MAPRE2: variants seen among roughly 807,000 people sequenced by gnomAD.
MAPRE2 encodes microtubule associated protein RP/EB family member 2, also known as microtubule-associated protein RP/EB family member 2.
In MAPRE2, 13 loss-of-function variants were observed where a neutral mutation model predicts 43.2. The observed-to-expected ratio is 0.30, with a 90% confidence interval of 0.20 to 0.48. The LOEUF (loss-of-function observed/expected upper bound fraction) is 0.48, where lower values mean the gene tolerates loss of function less well. Ranked by LOEUF, MAPRE2 falls within the 20% of genes least tolerant of loss-of-function variation. The pLI, the probability that MAPRE2 is intolerant of heterozygous loss-of-function variation, is 0.99. For missense variants in MAPRE2, 161 were observed against 400.2 expected, an observed-to-expected ratio of 0.40 and a Z score of 5.10; for synonymous variants, 135 against 148.8, an observed-to-expected ratio of 0.91 and a Z score of 0.68.
At chr18:35,110,114 A>G (rs965419238) in intron 4 of MAPRE2, among the ~76,000 whole-genome samples, 4 of 152,136 alleles carry the variant, frequency 2.6e-5, no homozygotes, top group East Asian at 1.9e-4. Context: ...AGCCACCCCT[A>G]TAGTTGTCAT....
chr18:35,129,690 C>T (rs567351670), intron 5 of MAPRE2, among the ~76,000 whole-genome samples: 3 of 152,234 alleles, frequency 2.0e-5, no homozygotes, highest in Admixed American at 2.0e-4. Context: ...GGATGGGTGT[C>T]GATTAGCCCA....
chr18:35,004,699 C>T (rs368872799), intron 1 of MAPRE2, among the ~76,000 whole-genome samples: 1 of 152,168 alleles, frequency 6.6e-6, no homozygotes, highest in Admixed American at 6.5e-5. Context: ...AGGCGGATCG[C>T]GAGGTCAGGA....
rs1325647869 is a variant in MAPRE2 at position 35,041,626 on chromosome 18, C to T, written c.87C>T (p.Phe29=). The change falls in exon 1 of 7, where the codon TTC becomes TTT. Residue 29 remains phenylalanine, a synonymous_variant. Transcript: ENST00000300249. ...IQDNNGTIIP[F]RKHTVRGERS... is the part of the protein sequence containing the mutation. ...ATAATAACGGGACCATCATTCCTTT[C>T]CGGAAGCACACAGTGCGCGGGGAGC... 6.2e-6 allele frequency: 10 copies of T among 1,614,126 alleles called. No individual in the cohort carries two copies. The highest frequency in any genetic ancestry group is 1.6e-4 in the Middle Eastern group (1 of 6,084).
chr18:35,034,170 G>A (rs1032300686), intron 2 of MAPRE2, among the ~76,000 whole-genome samples: 8 of 151,838 alleles, frequency 5.3e-5, no homozygotes, highest in Admixed American at 5.2e-4. Context: ...CAGAGATATA[G>A]ATCAATGGAA....
At chr18:35,061,900 G>A (rs573298195) in intron 1 of MAPRE2, among the ~76,000 whole-genome samples, 21 of 152,284 alleles carry the variant, frequency 1.4e-4, no homozygotes, top group African/African-American at 5.1e-4. Context: ...GAATGATCTG[G>A]TGATATTCTT....
At chr18:35,076,458 A>G (rs968261104) in intron 2 of MAPRE2, among the ~76,000 whole-genome samples, 2 of 152,154 alleles carry the variant, frequency 1.3e-5, no homozygotes, top group Non-Finnish European at 2.9e-5. Flanking sequence ...AAGAATGGCC[A>G]TCGTTTGGGA....
At chr18:35,043,786 T>C (rs753782982) in intron 1 of MAPRE2, among the ~76,000 whole-genome samples, 1 of 152,186 alleles carries the variant, frequency 6.6e-6, no homozygotes, top group Non-Finnish European at 1.5e-5. Context: ...ATACAAAGGG[T>C]GCACATGGAG....
intron 1 of MAPRE2, among the ~76,000 whole-genome samples, chr18:35,046,631 G>T (rs1477614958): frequency 6.6e-6 from 1 of 152,218 alleles, no homozygotes; most frequent in Non-Finnish European, 1.5e-5. Flanking sequence ...GATGCCTACT[G>T]CAGTGGATCT....
chr18:35,125,418 ATAGT>A (rs889446776), intron 4 of MAPRE2, among the ~76,000 whole-genome samples: 2 of 152,274 alleles, frequency 1.3e-5, no homozygotes, highest in Admixed American at 6.5e-5. Context: ...ACTTGTTTAT[ATAGT>A]TAGTTAAACT....
intron 4 of MAPRE2, among the ~76,000 whole-genome samples, chr18:35,110,500 C>T (rs908041995): frequency 6.6e-6 from 1 of 152,074 alleles, no homozygotes; most frequent in Admixed American, 6.6e-5. Context: ...AGAGAAATTA[C>T]AGGAAAAGTT....
At chr18:34,991,534 C>A (rs116512007) in intron 1 of MAPRE2, among the ~76,000 whole-genome samples, 4,920 of 152,234 alleles carry the variant, frequency 0.032, 262 homozygotes, top group African/African-American at 0.11. Flanking sequence ...TAATCATATT[C>A]CAGAATGCGT....
At chr18:35,086,790 T>C (rs1328627473) in intron 2 of MAPRE2, among the ~76,000 whole-genome samples, 2 of 152,150 alleles carry the variant, frequency 1.3e-5, no homozygotes, top group Non-Finnish European at 2.9e-5. Flanking sequence ...ATGGGAATGA[T>C]AATAAAAATA....
intron 2 of MAPRE2, among the ~76,000 whole-genome samples, chr18:35,074,841 GCCTGGACTGTCACTATAT>G (rs1047551587): frequency 2.6e-5 from 4 of 152,122 alleles, no homozygotes; most frequent in African/African-American, 4.8e-5. Context: ...GGCTGGCACT[GCCTGGACTGTCACTATAT>G]CCTGGACTGT....
At chr18:35,015,436 T>C (rs1407000679) in intron 2 of MAPRE2, among the ~76,000 whole-genome samples, 1 of 152,146 alleles carries the variant, frequency 6.6e-6, no homozygotes, top group East Asian at 1.9e-4. Flanking sequence ...GTTGTTGCTT[T>C]TTACAAATGA....
chr18:35,110,906 C>T (rs1603402110), intron 4 of MAPRE2, among the ~76,000 whole-genome samples: 2 of 152,262 alleles, frequency 1.3e-5, no homozygotes, highest in East Asian at 3.8e-4. Context: ...AGTAGTGCGA[C>T]TATGATGTGC....
chr18:35,007,540 A>G lies in MAPRE2; in HGVS notation c.-8+1987A>G, dbSNP rs563234843. Among the ~76,000 whole-genome samples the G allele has an allele frequency of 1.0e-4, 16 of 152,390 alleles. No individual in the cohort carries two copies. The South Asian group carries it at 3.3e-3, about 32-fold the overall frequency. ...GTGAAAACAGACAAAGATAACACATAAAGAGATGGCCTTGGCTGTGTTCAG... is the reference window on the plus strand; with the variant it reads ...GTGAAAACAGACAAAGATAACACATGAAGAGATGGCCTTGGCTGTGTTCAG... On this transcript the variant is annotated intron_variant, in intron 2 of 7. Coordinates refer to the MAPRE2 transcript ENST00000413393.
chr18:35,047,947 C>G (rs376905478), intron 1 of MAPRE2, among the ~76,000 whole-genome samples: 2 of 152,116 alleles, frequency 1.3e-5, no homozygotes, highest in African/African-American at 4.8e-5. Context: ...TCTGTGATTT[C>G]TAGGCCTCTC....
chr18:34,992,917 C>T (rs929049317), intron 1 of MAPRE2, among the ~76,000 whole-genome samples: 3 of 152,128 alleles, frequency 2.0e-5, no homozygotes, highest in Non-Finnish European at 4.4e-5. Context: ...GTCTCTCCCT[C>T]ATAGGCTGAC....
intron 1 of MAPRE2, among the ~76,000 whole-genome samples, chr18:34,979,953 T>G (rs1035953828): frequency 2.6e-5 from 4 of 151,892 alleles, no homozygotes; most frequent in Non-Finnish European, 5.9e-5. Context: ...AATATCACTA[T>G]CACTCTCTGC....
Sources: allele counts gnomAD v4.1 joint callset (sites outside exome capture counted in the v4.1 genomes callset), GRCh38; gene constraint gnomAD v4.1.1; transcripts MANE v1.5; gene names NCBI Gene and HGNC (gene_info 2026-07-23, HGNC 2026-07-21).